RAB3C: variants seen among roughly 807,000 people sequenced by gnomAD.
RAB3C encodes the protein ras-related protein Rab-3C.
In RAB3C, 17 loss-of-function variants were observed where a neutral mutation model predicts 26.4. The ratio of observed to expected loss-of-function variants is 0.64; its 90% CI spans 0.44 to 0.97. The LOEUF is 0.97. RAB3C is among the 50% of genes least tolerant of loss of function. The probability of loss-of-function intolerance (pLI) is 0.00; values close to 1 mark genes in which losing one functional copy is unlikely to be tolerated. For missense variants in RAB3C, 242 were observed against 281.9 expected, an observed-to-expected ratio of 0.86 and a Z score of 1.01; for synonymous variants, 91 against 95.9, an observed-to-expected ratio of 0.95 and a Z score of 0.30.
chr5:58,661,875 T>C lies in RAB3C; in HGVS notation c.252+44005T>C, dbSNP rs888084601. ...GTTAGAGAACGCATGCAAAACAGAATGAACAGTTGTAAAAGCAAAAAGAAA... is the reference window on the plus strand; with the variant it reads ...GTTAGAGAACGCATGCAAAACAGAACGAACAGTTGTAAAAGCAAAAAGAAA... On this transcript the variant is annotated intron_variant, in intron 2 of 4. Transcript: ENST00000282878. 8.0e-5 allele frequency among the ~76,000 whole-genome samples: 12 copies of C among 149,338 alleles called. 1 individual carries two copies. The highest frequency in any genetic ancestry group is 3.1e-4 in the African/African-American group (12 of 38,894).
intron 3 of RAB3C, among the ~76,000 whole-genome samples, chr5:58,800,692 C>A (rs78686890): frequency 6.6e-6 from 1 of 151,934 alleles, no homozygotes; most frequent in Non-Finnish European, 1.5e-5. Flanking sequence ...GGGGGACTGT[C>A]GACATTCTTC....
chr5:58,739,251 C>A (rs905252797), intron 3 of RAB3C, among the ~76,000 whole-genome samples: 23 of 152,182 alleles, frequency 1.5e-4, no homozygotes, highest in African/African-American at 5.5e-4. Flanking sequence ...TCTATTTGCC[C>A]AGTCAGCAAG....
chr5:58,773,531 C>G (rs1264136454), intron 3 of RAB3C, among the ~76,000 whole-genome samples: 1 of 152,020 alleles, frequency 6.6e-6, no homozygotes, highest in Admixed American at 6.6e-5. Context: ...GGTGGCTACT[C>G]CCCTTGAATA....
chr5:58,813,619 T>C (rs1743142107), intron 3 of RAB3C, among the ~76,000 whole-genome samples: 1 of 47,564 alleles, frequency 2.1e-5, no homozygotes. Context: ...TATATATATA[T>C]ATATATATAT....
chr5:58,664,287 C>T (rs755948730), intron 2 of RAB3C, among the ~76,000 whole-genome samples: 5 of 152,046 alleles, frequency 3.3e-5, no homozygotes, highest in East Asian at 1.9e-4. Context: ...TACAACTGAG[C>T]GATAAAGAGA....
intron 4 of RAB3C, among the ~76,000 whole-genome samples, chr5:58,827,194 T>C (rs924395858): frequency 4.1e-4 from 63 of 152,304 alleles, no homozygotes; most frequent in African/African-American, 1.4e-3. Flanking sequence ...TGGGAAATAA[T>C]AGATCCCCAA....
At position 58,800,449 on chromosome 5, in the gene RAB3C, A is replaced by G. The variant is rs114231290; in HGVS notation, c.372-24589A>G. On this transcript the variant is annotated intron_variant, in intron 3 of 4. Transcript: ENST00000282878. The stretch of plus-strand genomic sequence containing the variant: ...TCAGTGTTTTTAAGCTATTAATTCT[A>G]TAGGCTAGTACTTCCCTCCCACTAG... Among the ~76,000 whole-genome samples, 660 of 152,300 alleles carry G rather than the reference A, an allele frequency of 4.3e-3. 3 individuals carry two copies. Among genetic ancestry groups the G allele is most frequent in the African/African-American group, 0.014 (583 of 41,572 alleles).
intron 1 of RAB3C, among the ~76,000 whole-genome samples, chr5:58,615,468 A>C (rs915629078): frequency 2.6e-5 from 4 of 152,218 alleles, no homozygotes; most frequent in African/African-American, 9.6e-5. Context: ...CAATGTCTGC[A>C]GGAATAGCAC....
intron 2 of RAB3C, among the ~76,000 whole-genome samples, chr5:58,666,432 G>C (rs1049582257): frequency 1.3e-5 from 2 of 152,118 alleles, no homozygotes; most frequent in African/African-American, 4.8e-5. Flanking sequence ...GAAAACCACT[G>C]CGGGGGACAA....
intron 4 of RAB3C, among the ~76,000 whole-genome samples, chr5:58,829,331 A>G (rs1458393179): frequency 6.6e-6 from 1 of 152,134 alleles, no homozygotes; most frequent in African/African-American, 2.4e-5. Flanking sequence ...TAAGTTTTAA[A>G]TGTACAACTA....
At chr5:58,803,593 C>T (rs531463084) in intron 3 of RAB3C, among the ~76,000 whole-genome samples, 44 of 152,236 alleles carry the variant, frequency 2.9e-4, no homozygotes, top group South Asian at 1.7e-3. Flanking sequence ...GCAAATCATC[C>T]GGGACTTTGT....
At chr5:58,845,808 T>G (rs916643352) in intron 4 of RAB3C, among the ~76,000 whole-genome samples, 3 of 151,800 alleles carry the variant, frequency 2.0e-5, no homozygotes, top group Non-Finnish European at 4.4e-5. Flanking sequence ...AATTTTGGAA[T>G]ATTTTCATAA....
intron 3 of RAB3C, among the ~76,000 whole-genome samples, chr5:58,797,339 C>CAAAAA (rs1206716376): frequency 6.3e-4 from 8 of 12,746 alleles, no homozygotes; most frequent in East Asian, 1.5e-3. Flanking sequence ...CCCTGGAAGA[C>CAAAAA]AAAAAAAAAA....
intron 2 of RAB3C, among the ~76,000 whole-genome samples, chr5:58,713,515 G>A (rs1379006030): frequency 2.6e-5 from 4 of 152,144 alleles, no homozygotes; most frequent in Admixed American, 6.6e-5. Context: ...CAGAATCAGG[G>A]CAAGAACTGC....
chr5:58,808,011 G>A lies in RAB3C; in HGVS notation c.372-17027G>A, dbSNP rs142774482. On this transcript the variant is annotated intron_variant, in intron 3 of 4. Transcript: ENST00000282878. ...GAGGCCAAGGCAGGTGGATCACAAG[G>A]TCAGGAGATCGAGACCATCCTGCCT... is the stretch of plus-strand genomic sequence containing the variant. Among the ~76,000 whole-genome samples the A allele has an allele frequency of 7.2e-3, 1,098 of 152,126 alleles. 15 individuals are homozygous for A. Among genetic ancestry groups the A allele is most frequent in the African/African-American group, 0.025 (1,035 of 41,488 alleles).
intron 2 of RAB3C, among the ~76,000 whole-genome samples, chr5:58,642,315 G>A (rs1747428087): frequency 6.6e-6 from 1 of 152,178 alleles, no homozygotes; most frequent in Admixed American, 6.5e-5. Context: ...GTTGTACACG[G>A]TAGCACCAAA....
chr5:58,715,966 A>T (rs1749162264), intron 2 of RAB3C, among the ~76,000 whole-genome samples: 1 of 151,986 alleles, frequency 6.6e-6, no homozygotes, highest in Admixed American at 6.6e-5. Flanking sequence ...CACTGCACCC[A>T]CTAACTCACA....
chr5:58,770,509 T>C (rs1365887482), intron 3 of RAB3C, among the ~76,000 whole-genome samples: 1 of 152,202 alleles, frequency 6.6e-6, no homozygotes. Flanking sequence ...AAAATGTCTC[T>C]AATGTCTAGC....
chr5:58,774,985 T>C (rs1455228692), intron 3 of RAB3C, among the ~76,000 whole-genome samples: 1 of 151,914 alleles, frequency 6.6e-6, no homozygotes, highest in Non-Finnish European at 1.5e-5. Flanking sequence ...GGTGGGAAGG[T>C]TTTGAGTAGA....
Sources: allele counts gnomAD v4.1 joint callset (sites outside exome capture counted in the v4.1 genomes callset), GRCh38; gene constraint gnomAD v4.1.1; transcripts MANE v1.5; gene names NCBI Gene and HGNC (gene_info 2026-07-23, HGNC 2026-07-21).